Variants in PCDHA6 observed in about 807,000 individuals in gnomAD.
PCDHA6 encodes protocadherin alpha-6.
Under a neutral mutation model 60.3 loss-of-function variants are expected in PCDHA6, and 55 were observed. That is an observed-to-expected ratio of 0.91 (90% CI 0.73 to 1.14). The LOEUF is 1.14. PCDHA6 is among the 50% of genes most tolerant of loss of function. The probability of loss-of-function intolerance (pLI) is 0.00; values close to 1 mark genes in which losing one functional copy is unlikely to be tolerated. For missense variants in PCDHA6, 1,327 were observed against 1,256.5 expected, an observed-to-expected ratio of 1.06 and a Z score of -0.85; for synonymous variants, 652 against 557.9, an observed-to-expected ratio of 1.17 and a Z score of -2.38.
chr5:140,968,326 C>G (rs1554230623), intron 1 of PCDHA6: 1 of 1,614,058 alleles, frequency 6.2e-7, no homozygotes, highest in Non-Finnish European at 8.5e-7. Context: ...CAGTCACCTC[C>G]TATGTCTCCA....
intron 1 of PCDHA6, among the ~76,000 whole-genome samples, chr5:140,904,135 G>A (rs1310606905): frequency 6.6e-5 from 10 of 151,986 alleles, no homozygotes; most frequent in Non-Finnish European, 1.0e-4. Context: ...CCCATCACCC[G>A]AGCAGTATAC....
intron 1 of PCDHA6, chr5:140,862,547 G>T: frequency 2.2e-6 from 1 of 455,636 alleles, no homozygotes; most frequent in South Asian, 1.7e-5. Context: ...CGTGGAAGTG[G>T]CCGAACAGTG....
At position 140,856,616 on chromosome 5, in the gene PCDHA6, T is replaced by G. The variant is rs1554148924; in HGVS notation, c.2394+26131T>G. ...TATAAACAAAAAAGACAAAGACAAA[T>G]TCCCAGTGCTTGTTCTGCGGAAGCT... is the stretch of plus-strand genomic sequence containing the variant. On this transcript the variant is annotated intron_variant, in intron 1 of 3. Coordinates refer to ENST00000529310, the MANE Select transcript of PCDHA6 (RefSeq NM_018909.4). The G allele has an allele frequency of 2.5e-6, 4 of 1,597,862 alleles. 1 individual carries two copies. Among genetic ancestry groups the G allele is most frequent in the Non-Finnish European group, 3.4e-6 (4 of 1,167,486 alleles).
intron 1 of PCDHA6, chr5:140,884,167 G>A: frequency 4.3e-6 from 7 of 1,613,412 alleles, no homozygotes; most frequent in Non-Finnish European, 5.1e-6. Context: ...AGATCAGCAC[G>A]ACGCGCCCTC....
chr5:140,883,674 C>T (rs782029001), intron 1 of PCDHA6: 5 of 1,613,738 alleles, frequency 3.1e-6, no homozygotes, highest in African/African-American at 2.7e-5. Flanking sequence ...GAAAACAATC[C>T]GCCGGGCTGC....
intron 1 of PCDHA6, chr5:140,927,063 C>T: frequency 6.2e-7 from 1 of 1,611,332 alleles, no homozygotes; most frequent in Non-Finnish European, 8.5e-7. Flanking sequence ...ACTTTCGCTT[C>T]CTTTCCAGCC....
intron 1 of PCDHA6, among the ~76,000 whole-genome samples, chr5:140,832,589 G>A (rs1234557641): frequency 2.6e-5 from 4 of 152,158 alleles, no homozygotes; most frequent in Non-Finnish European, 5.9e-5. Context: ...AGGAAGTAGA[G>A]AACTATAGCG....
At chr5:140,909,235 A>G (rs1554193708) in intron 1 of PCDHA6, among the ~76,000 whole-genome samples, 1 of 152,182 alleles carries the variant, frequency 6.6e-6, no homozygotes, top group African/African-American at 2.4e-5. Flanking sequence ...TAGGATGGTA[A>G]AGATATATTG....
intron 1 of PCDHA6, chr5:140,875,557 G>A (rs2055595805): frequency 6.2e-7 from 1 of 1,613,946 alleles, no homozygotes; most frequent in Non-Finnish European, 8.5e-7. Flanking sequence ...GGTGGGGAGC[G>A]GCCAGCTCCA....
Position 140,829,816 on chromosome 5 carries a change from T to C in PCDHA6, c.1725T>C (p.Gly575=), listed in dbSNP as rs2150175358. ...CGCCTCGGGTGGGTGGTACTGGTGG[T>C]GCAGTGAGCGAGCTGGTGCCGCGGT... ...LLAPRVGGTG[G]AVSELVPRSL... is the part of the protein sequence containing the mutation. Residue 575 remains glycine (G), a synonymous_variant, in exon 1 of 4, where the codon GGT becomes GGC. Transcript: ENST00000529310. 2.5e-6 allele frequency: 4 copies of C among 1,613,796 alleles called. No homozygotes were observed. The highest frequency in any genetic ancestry group is 1.1e-5 in the South Asian group (1 of 91,068).
At chr5:140,883,907 A>G (rs2059882679) in intron 1 of PCDHA6, 1 of 1,613,358 alleles carries the variant, frequency 6.2e-7, no homozygotes, top group African/African-American at 1.3e-5. Context: ...GCCTCTGGGC[A>G]GCAACGTGAC....
intron 1 of PCDHA6, among the ~76,000 whole-genome samples, chr5:140,924,726 C>T (rs1294650773): frequency 1.3e-5 from 2 of 151,796 alleles, no homozygotes; most frequent in African/African-American, 4.8e-5. Context: ...GAAACCTCAC[C>T]TCTAATAAAA....
intron 1 of PCDHA6, among the ~76,000 whole-genome samples, chr5:140,941,270 T>TTTCC (rs1378866749): frequency 2.2e-5 from 3 of 136,668 alleles, no homozygotes; most frequent in Admixed American, 7.6e-5. Context: ...TCTTTCTTTC[T>TTTCC]TTCCTTCCTT....
chr5:140,885,319 T>C (rs2060561832), intron 1 of PCDHA6, among the ~76,000 whole-genome samples: 1 of 152,216 alleles, frequency 6.6e-6, no homozygotes, highest in Admixed American at 6.5e-5. Context: ...TGTTATTATT[T>C]CTTTTCCAAA....
At chr5:140,892,721 T>A (rs1554185338) in intron 1 of PCDHA6, among the ~76,000 whole-genome samples, 1 of 152,226 alleles carries the variant, frequency 6.6e-6, no homozygotes, top group Admixed American at 6.5e-5. Flanking sequence ...ATTCATAATC[T>A]CAAACATTTA....
chr5:140,957,076 A>C (rs1554222802), intron 1 of PCDHA6, among the ~76,000 whole-genome samples: 1 of 152,174 alleles, frequency 6.6e-6, no homozygotes, highest in Non-Finnish European at 1.5e-5. Context: ...AGGGCTTTTT[A>C]TTAAGGAAAA....
intron 1 of PCDHA6, among the ~76,000 whole-genome samples, chr5:140,925,170 A>G (rs2153576816): frequency 6.6e-6 from 1 of 152,194 alleles, no homozygotes; most frequent in East Asian, 1.9e-4. Flanking sequence ...TGTGTAATTG[A>G]CCCCAATGTA....
chr5:140,841,255 C>G, intron 1 of PCDHA6: 8 of 1,511,904 alleles, frequency 5.3e-6, no homozygotes, highest in Non-Finnish European at 7.1e-6. Flanking sequence ...GATTAAAAGA[C>G]TCTGAAAGTA....
At chr5:140,863,308 G>A (rs782229195) in intron 1 of PCDHA6, 4 of 1,462,176 alleles carry the variant, frequency 2.7e-6, no homozygotes, top group Non-Finnish European at 3.7e-6. Context: ...CGCCATCTGC[G>A]TGGTGTCCAG....
Sources: allele counts gnomAD v4.1 joint callset (sites outside exome capture counted in the v4.1 genomes callset), GRCh38; gene constraint gnomAD v4.1.1; transcripts MANE v1.5; gene names NCBI Gene and HGNC (gene_info 2026-07-23, HGNC 2026-07-21).